The following PDE1C variants were observed in gnomAD, a reference collection of about 807,000 sequenced individuals.
PDE1C encodes phosphodiesterase 1C.
A neutral mutation model predicts 93.1 loss-of-function variants in PDE1C; 62 were observed. The observed-to-expected ratio is 0.67, with a 90% CI of 0.54 to 0.82. The LOEUF (loss-of-function observed/expected upper bound fraction) is 0.82, where lower values mean the gene tolerates loss of function less well. Ranked by LOEUF, PDE1C falls within the 40% of genes least tolerant of loss-of-function variation. The pLI, the probability that PDE1C is intolerant of heterozygous loss-of-function variation, is 0.00. For missense variants in PDE1C, 742 were observed against 884.6 expected, an observed-to-expected ratio of 0.84 and a Z score of 2.04; for synonymous variants, 325 against 310.1, an observed-to-expected ratio of 1.05 and a Z score of -0.50.
chr7:32,213,300 G>A (rs189791342), intron 1 of PDE1C, among the ~76,000 whole-genome samples: 19 of 152,226 alleles, frequency 1.2e-4, no homozygotes, highest in African/African-American at 4.1e-4. Flanking sequence ...CAAGGCCCCC[G>A]TCCCACATGA....
At chr7:31,956,842 G>A (rs912231375) in intron 2 of PDE1C, among the ~76,000 whole-genome samples, 1 of 152,036 alleles carries the variant, frequency 6.6e-6, no homozygotes, top group Non-Finnish European at 1.5e-5. Flanking sequence ...AAAATCATGG[G>A]CAGAGAAACA....
the PDE1C span, among the ~76,000 whole-genome samples, chr7:31,722,599 T>C: frequency 1.3e-5 from 2 of 152,162 alleles, no homozygotes; most frequent in African/African-American, 4.8e-5. Context: ...GTTAGGAAGA[T>C]GTGCCTCCAA....
chr7:31,820,359 G>A (rs1408916277), intron 14 of PDE1C, among the ~76,000 whole-genome samples: 2 of 151,526 alleles, frequency 1.3e-5, no homozygotes, highest in African/African-American at 2.4e-5. Flanking sequence ...TCTTACACCA[G>A]AAAATAAATG....
At chr7:31,983,639 A>T (rs1297457444) in intron 2 of PDE1C, among the ~76,000 whole-genome samples, 2 of 152,064 alleles carry the variant, frequency 1.3e-5, no homozygotes, top group African/African-American at 2.4e-5. Flanking sequence ...ATTTTTTTTA[A>T]AAAATCACCA....
At chr7:31,815,787 T>A (rs1583449869) in intron 15 of PDE1C, 137 bp downstream of exon 15, 2 of 683,756 alleles carry the variant, frequency 2.9e-6, no homozygotes, top group Non-Finnish European at 5.2e-6. Context: ...CCCAATGAGG[T>A]GGGATCAGAA....
At chr7:31,651,175 A>G in the PDE1C span, 1 of 1,613,576 alleles carries the variant, frequency 6.2e-7, no homozygotes, top group East Asian at 2.2e-5. Context: ...CATGAAGACG[A>G]TATGCCAAAG....
At chr7:31,764,059 CTA>C (rs1192556873) in intron 17 of PDE1C, among the ~76,000 whole-genome samples, 1 of 151,264 alleles carries the variant, frequency 6.6e-6, no homozygotes, top group Non-Finnish European at 1.5e-5. Flanking sequence ...TTTGCTGAAA[CTA>C]TGTGCCATTT....
intron 2 of PDE1C, among the ~76,000 whole-genome samples, chr7:32,025,190 C>T (rs1329105787): frequency 1.3e-5 from 2 of 152,090 alleles, no homozygotes; most frequent in Non-Finnish European, 1.5e-5. Flanking sequence ...GATGCTTCCC[C>T]ATCTCAAACT....
intron 1 of PDE1C, among the ~76,000 whole-genome samples, chr7:32,354,888 G>A (rs980147256): frequency 6.6e-6 from 1 of 152,224 alleles, no homozygotes; most frequent in Non-Finnish European, 1.5e-5. Context: ...GGGCCCTGAT[G>A]ACTCTTTAAG....
At chr7:32,299,045 G>C (rs1812807456) in exon 1 of PDE1C, 1 of 1,152,042 alleles carries the variant, frequency 8.7e-7, no homozygotes, top group African/African-American at 1.6e-5. Flanking sequence ...CGCGTGGACG[G>C]GGCTGACCGG....
chr7:31,858,889 G>T (rs1794335880), intron 7 of PDE1C, among the ~76,000 whole-genome samples: 2 of 151,626 alleles, frequency 1.3e-5, no homozygotes, highest in Admixed American at 6.6e-5. Flanking sequence ...AATACATAAG[G>T]AAAATGTTTA....
chr7:32,107,263 A>G (rs1798372506), intron 3 of PDE1C, among the ~76,000 whole-genome samples: 1 of 143,768 alleles, frequency 7.0e-6, no homozygotes, highest in African/African-American at 2.5e-5. Flanking sequence ...AAAGAGAGAC[A>G]GGTAGGGTGA....
intron 11 of PDE1C, among the ~76,000 whole-genome samples, chr7:31,829,125 G>C (rs978334282): frequency 1.3e-5 from 2 of 152,102 alleles, no homozygotes; most frequent in African/African-American, 4.8e-5. Flanking sequence ...CCTTCTTATA[G>C]TAGTGAAGCT....
intron 2 of PDE1C, among the ~76,000 whole-genome samples, chr7:31,968,579 T>A (rs1810407576): frequency 6.6e-6 from 1 of 152,110 alleles, no homozygotes; most frequent in Non-Finnish European, 1.5e-5. Context: ...AAGCTACCAA[T>A]GACTTTCTTC....
At chr7:31,636,910 G>A in the PDE1C span, among the ~76,000 whole-genome samples, 1 of 112,446 alleles carries the variant, frequency 8.9e-6, no homozygotes, top group African/African-American at 3.6e-5. Flanking sequence ...AACAGTCCCT[G>A]GTGTGTGATG....
intron 2 of PDE1C, among the ~76,000 whole-genome samples, chr7:31,940,734 A>G (rs1805711623): frequency 6.6e-6 from 1 of 152,190 alleles, no homozygotes; most frequent in African/African-American, 2.4e-5. Flanking sequence ...TCATGCACTG[A>G]TAATTAATTC....
intron 15 of PDE1C, among the ~76,000 whole-genome samples, chr7:31,813,177 A>T (rs1439230939): frequency 6.6e-6 from 1 of 152,084 alleles, no homozygotes; most frequent in Non-Finnish European, 1.5e-5. Flanking sequence ...GAAGAAACAC[A>T]CCTTGCCTTT....
At chr7:32,338,729 C>T (rs2128079192) in intron 1 of PDE1C, among the ~76,000 whole-genome samples, 1 of 152,292 alleles carries the variant, frequency 6.6e-6, no homozygotes, top group South Asian at 2.1e-4. Context: ...GAAGGCCGGG[C>T]ACGGTGGCTC....
chr7:31,878,248 T>C (rs1438600838), intron 4 of PDE1C, among the ~76,000 whole-genome samples: 1 of 151,994 alleles, frequency 6.6e-6, no homozygotes, highest in Non-Finnish European at 1.5e-5. Flanking sequence ...ATATGAACCA[T>C]GGGGGAAAAA....
Sources: gnomAD v4.1 joint callset for allele counts (sites outside exome capture counted in the v4.1 genomes callset) on GRCh38, gnomAD v4.1.1 for gene constraint, MANE v1.5 for transcripts, NCBI Gene and HGNC (gene_info 2026-07-23, HGNC 2026-07-21) for gene names.